TMC4: variants seen among roughly 807,000 people sequenced by gnomAD.
The protein encoded by TMC4 is transmembrane channel like 4, also known as voltage-gated chloride channel TMC4.
Under a neutral mutation model 82.0 loss-of-function variants are expected in TMC4, and 70 were observed. The observed-to-expected ratio is 0.85, with a 90% CI of 0.70 to 1.04. The LOEUF is 1.04. TMC4 is among the 50% of genes least tolerant of loss of function. The probability of loss-of-function intolerance (pLI) is 0.00; values close to 1 mark genes in which losing one functional copy is unlikely to be tolerated. For missense variants in TMC4, 879 were observed against 899.0 expected (o/e 0.98, Z 0.28); for synonymous variants, 446 against 406.0 (o/e 1.10, Z -1.18).
intron 8 of TMC4, 78 bp from the exon 9 acceptor site, chr19:54,163,237 C>T (rs1009306546): frequency 1.5e-5 from 23 of 1,551,846 alleles, no homozygotes; most frequent in Non-Finnish European, 1.9e-5. Flanking sequence ...GGAACGCGCC[C>T]GCATTCAACC....
At chr19:54,161,403 G>A (rs1364792068) in intron 11 of TMC4, 143 bp from the exon 12 acceptor site, 1 of 992,646 alleles carries the variant, frequency 1.0e-6, no homozygotes, top group Non-Finnish European at 1.4e-6. Context: ...CTGTCGCCCA[G>A]GCTGGAGTGC....
rs1453402903 is a variant in TMC4, at chr19:54,161,207, C to G, written c.1740G>C (p.Ala580=). The change falls in exon 12 of 15, where the codon GCG becomes GCC. Residue 580 remains alanine (A), a synonymous_variant. Coordinates refer to ENST00000619895, the MANE Select transcript of TMC4 (RefSeq NM_144686.4). ...GGACCAAGGGGAAAAAGAAATTCGC[C>G]GCGGAGGCCCGGAAGGTGCGGGCAG... ...SPAARTFRAS[A]ANFFFPLVLL... The G allele has an allele frequency of 6.3e-7, 1 of 1,590,776 alleles. No individual in the cohort carries two copies. The highest frequency in any genetic ancestry group is 8.5e-7 in the Non-Finnish European group (1 of 1,169,708).
chr19:54,167,624 T>C (rs1202994102), intron 5 of TMC4, among the ~76,000 whole-genome samples: 2 of 150,432 alleles, frequency 1.3e-5, no homozygotes, highest in African/African-American at 4.9e-5. Context: ...TTTTTTTTTT[T>C]TTTAGATGGA....
chr19:54,165,789 C>T (rs2075688670), intron 5 of TMC4, among the ~76,000 whole-genome samples: 1 of 152,014 alleles, frequency 6.6e-6, no homozygotes, highest in African/African-American at 2.4e-5. Flanking sequence ...GGTGCAGGCA[C>T]CCCAAAGAGA....
At chr19:54,169,746 T>TG in intron 2 of TMC4, 86 bp from the exon 3 acceptor site, 1 of 1,542,864 alleles carries the variant, frequency 6.5e-7, no homozygotes, top group Non-Finnish European at 8.7e-7. Flanking sequence ...AACAGTAGAA[T>TG]GGAGAAGTAA....
intron 6 of TMC4, chr19:54,164,830 G>A: frequency 3.3e-6 from 2 of 603,592 alleles, no homozygotes; most frequent in Non-Finnish European, 2.9e-6. Context: ...CCATCCCTCC[G>A]CGGTCAATCT....
In TMC4 at chr19:54,163,017, C is replaced by G. The variant is rs776561947; in HGVS notation, c.1404+16G>C. On this transcript the variant is annotated intron_variant, in intron 9 of 14. Transcript: ENST00000619895. ...CAGGGACCCAAGAGTCCCACGCACA[C>G]CCATGCCGTTCTCACCGGAAGTTGT... 6.2e-7 allele frequency: 1 copy of G among 1,614,182 alleles called. No homozygotes were observed. Among genetic ancestry groups the G allele is most frequent in the South Asian group, 1.1e-5 (1 of 91,086 alleles).
chr19:54,163,665 A>G (rs1192940755), intron 8 of TMC4, 59 bp downstream of exon 8: 2 of 1,585,786 alleles, frequency 1.3e-6, no homozygotes, highest in African/African-American at 1.3e-5. Context: ...GTCAGCGCCA[A>G]CATCCCTCTG....
chr19:54,172,905 A>G lies in TMC4; in HGVS notation c.79+134T>C, dbSNP rs961516360. 1.6e-5 allele frequency: 12 copies of G among 756,204 alleles called. No homozygotes were observed. In the African/African-American group the frequency reaches 1.6e-4, roughly 10 times the overall value. 46.8% of individuals were successfully genotyped at this position (756,204 alleles called of 1,614,324 possible). A position where few individuals can be genotyped will look rare whatever the true frequency, so the allele number is the denominator to read the frequency against. On this transcript the variant is annotated intron_variant, in intron 1 of 14. Coordinates refer to ENST00000619895, the MANE Select transcript of TMC4 (RefSeq NM_144686.4). The stretch of plus-strand genomic sequence containing the variant: ...CCAGCCTCCAGTTCCCTTCTCCCCC[A>G]TAATATCAGGAAGTGGAACCTTCTC...
At chr19:54,164,665 A>C (rs893255265) in intron 6 of TMC4, 64 bp from the exon 7 acceptor site, 42 of 1,596,162 alleles carry the variant, frequency 2.6e-5, no homozygotes, top group Non-Finnish European at 3.5e-5. Context: ...CCGGTTCCCC[A>C]GGTCTGGCTC....
chr19:54,162,086 C>T lies in TMC4; in HGVS notation c.1686+16G>A, dbSNP rs1180706629. The T allele has an allele frequency of 1.3e-6, 2 of 1,595,442 alleles. No individual in the cohort carries two copies. The highest frequency in any genetic ancestry group is 2.3e-5 in the East Asian group (1 of 44,188). Reference sequence around the variant, plus strand: ...TACCTCCTGCCTCAGACCCAAGGGTCCCCCCTACCCCTTACCTTCTTCAGG... The same window carrying T: ...TACCTCCTGCCTCAGACCCAAGGGTTCCCCCTACCCCTTACCTTCTTCAGG... On this transcript the variant is annotated intron_variant, in intron 11 of 14. Coordinates refer to ENST00000619895, the MANE Select transcript of TMC4 (RefSeq NM_144686.4).
At chr19:54,169,695 G>C (rs761459901) in intron 2 of TMC4, 35 bp from the exon 3 acceptor site, 2 of 1,608,408 alleles carry the variant, frequency 1.2e-6, no homozygotes, top group African/African-American at 1.3e-5. Context: ...GAGGGGTTTC[G>C]CAGCCCCAGA....
chr19:54,162,367 T>A, intron 10 of TMC4, 82 bp from the exon 11 acceptor site: 13 of 693,636 alleles, frequency 1.9e-5, no homozygotes, highest in Non-Finnish European at 2.7e-5. Context: ...CGCCCGCCAA[T>A]AGGAAGCATG....
At chr19:54,168,063 CA>C (rs56242780) in intron 5 of TMC4, 107 bp downstream of exon 5, 57,043 of 904,330 alleles carry the variant, frequency 0.063, no homozygotes, top group South Asian at 0.11. Context: ...AACTCCGTCT[CA>C]AAAAAAAAAA....
In TMC4 at chr19:54,173,067, CT is replaced by C; in HGVS notation, c.50del (p.Glu17GlyfsTer18). On this transcript the variant is annotated frameshift_variant, in exon 1 of 15. Transcript: ENST00000619895. LOFTEE classifies it high-confidence loss of function. Reference sequence around the variant, plus strand: ...CTCTGGCCTCCCGGGGGGCCAGCCACTCCCTAGAGGAGCCCCAGGCTTCTGA... The same window carrying C: ...CTCTGGCCTCCCGGGGGGCCAGCCACCCCTAGAGGAGCCCCAGGCTTCTGA... The part of the protein sequence containing the change: ...LESEAWGSSR[E>X]WLAPREARGG... The C allele has an allele frequency of 1.2e-6, 2 of 1,613,436 alleles. No homozygotes were observed. Among genetic ancestry groups the C allele is most frequent in the African/African-American group, 2.7e-5 (2 of 74,924 alleles).
chr19:54,169,526 A>G lies in TMC4; in HGVS notation c.428T>C (p.Leu143Pro). 6.2e-7 allele frequency: 1 copy of G among 1,611,208 alleles called. No homozygotes were observed. The highest frequency in any genetic ancestry group is 8.5e-7 in the Non-Finnish European group (1 of 1,179,508). ...CCCCACCGCACCCCCGATCCTCTTC[A>G]GTGTCCACGCCCAGGGCTGCAGGCT... Reference protein sequence around the residue: ...LRSLQPWAWTLKRIGGQFGAG... With the variant: ...LRSLQPWAWTPKRIGGQFGAG... Residue 143 changes from leucine to proline, a missense_variant, in exon 3 of 15, where the codon CTG becomes CCG. Transcript: ENST00000619895.
chr19:54,163,961 T>A, intron 7 of TMC4, 74 bp from the exon 8 acceptor site: 2 of 1,301,390 alleles, frequency 1.5e-6, no homozygotes, highest in Non-Finnish European at 2.0e-6. Flanking sequence ...CCCCCCGGCC[T>A]CTTCTTCTTC....
chr19:54,167,613 C>CTT (rs754706697), intron 5 of TMC4, among the ~76,000 whole-genome samples: 1 of 136,730 alleles, frequency 7.3e-6, no homozygotes, highest in Non-Finnish European at 1.6e-5. Context: ...AAACCTTGAT[C>CTT]TTTTTTTTTT....
intron 5 of TMC4, among the ~76,000 whole-genome samples, chr19:54,166,552 G>A (rs1042739990): frequency 2.0e-5 from 3 of 152,110 alleles, no homozygotes; most frequent in African/African-American, 4.8e-5. Flanking sequence ...ACTTGTGCCC[G>A]CATATAATCC....
Sources: gnomAD v4.1 joint callset for allele counts (sites outside exome capture counted in the v4.1 genomes callset) on GRCh38, gnomAD v4.1.1 for gene constraint, MANE v1.5 for transcripts, NCBI Gene and HGNC (gene_info 2026-07-23, HGNC 2026-07-21) for gene names.